RTL4: variants seen among roughly 807,000 people sequenced by gnomAD.
RTL4 encodes the protein retrotransposon Gag-like protein 4.
RTL4 carries 4 observed loss-of-function variants against 5.3 expected under a neutral mutation model. The ratio of observed to expected loss-of-function variants is 0.75; its 90% CI spans 0.37 to 1.72. The LOEUF is 1.72. Ranked by LOEUF, RTL4 falls within the 40% of genes most tolerant of loss-of-function variation. The probability of loss-of-function intolerance (pLI) is 0.04; values close to 1 mark genes in which losing one functional copy is unlikely to be tolerated. For synonymous variants in RTL4, 98 were observed against 87.3 expected (o/e 1.12, Z -0.68); for missense variants, 260 against 227.1 (o/e 1.14, Z -0.93).
the RTL4 span, among the ~76,000 whole-genome samples, chrX:112,222,791 C>T: frequency 2.7e-5 from 3 of 111,945 alleles, no homozygotes; most frequent in East Asian, 2.8e-4. Flanking sequence ...AAGGAAATGC[C>T]GAATGGGGCT....
At chrX:112,234,976 G>T in the RTL4 span, among the ~76,000 whole-genome samples, 314 of 111,361 alleles carry the variant, frequency 2.8e-3, no homozygotes, top group African/African-American at 9.4e-3. Flanking sequence ...AGATTTGGCT[G>T]CTTAGGTGTG....
At chrX:112,335,810 CTTTA>C in the RTL4 span, among the ~76,000 whole-genome samples, 901 of 108,981 alleles carry the variant, frequency 8.3e-3, 8 homozygotes, top group African/African-American at 0.028. Context: ...CCAGTAAAAT[CTTTA>C]TTTATTTATT....
chrX:112,366,345 A>G, the RTL4 span, among the ~76,000 whole-genome samples: 2 of 111,754 alleles, frequency 1.8e-5, no homozygotes, highest in Non-Finnish European at 1.9e-5. Context: ...CACCATCATC[A>G]TTATGTACAA....
At chrX:112,449,673 G>A (rs1309492599), upstream of RTL4, among the ~76,000 whole-genome samples, 1 of 111,640 alleles carries the variant, frequency 9.0e-6, no homozygotes, top group East Asian at 2.8e-4. Flanking sequence ...AGAAATGTTG[G>A]TGCTCTGAGT....
the RTL4 span, among the ~76,000 whole-genome samples, chrX:112,304,639 CTTTTTTTTTTT>C: frequency 2.1e-5 from 1 of 48,360 alleles, no homozygotes; most frequent in South Asian, 1.2e-3. Context: ...TTTCCCACAT[CTTTTTTTTTTT>C]TTTTTTTTTT....
chrX:112,358,991 A>G, the RTL4 span, among the ~76,000 whole-genome samples: 2 of 111,854 alleles, frequency 1.8e-5, no homozygotes, highest in Non-Finnish European at 3.8e-5. Flanking sequence ...TAATCAGTGC[A>G]TCGTGGCTGG....
At chrX:112,322,080 T>C in the RTL4 span, among the ~76,000 whole-genome samples, 1,058 of 111,863 alleles carry the variant, frequency 9.5e-3, 12 homozygotes, top group African/African-American at 0.032. Context: ...CATAATTGGG[T>C]TTCTGAAGGA....
the RTL4 span, among the ~76,000 whole-genome samples, chrX:112,325,133 C>T: frequency 3.6e-5 from 4 of 111,317 alleles, no homozygotes; most frequent in African/African-American, 1.3e-4. Context: ...CAAACCGCTG[C>T]TCGATGAAAT....
the RTL4 span, among the ~76,000 whole-genome samples, chrX:112,238,272 G>C: frequency 8.9e-6 from 1 of 111,819 alleles, no homozygotes; most frequent in Admixed American, 9.5e-5. Context: ...ATAAACAATT[G>C]ATATTGATTT....
At chrX:112,135,058 A>G in the RTL4 span, among the ~76,000 whole-genome samples, 1 of 112,317 alleles carries the variant, frequency 8.9e-6, no homozygotes, top group Non-Finnish European at 1.9e-5. Flanking sequence ...TCTCTTAGAT[A>G]AACATGTAGG....
chrX:112,126,151 A>C, the RTL4 span, among the ~76,000 whole-genome samples: 10 of 112,255 alleles, frequency 8.9e-5, no homozygotes, highest in African/African-American at 3.2e-4. Flanking sequence ...TATGGGGATA[A>C]GATGACTAGT....
chrX:112,435,412 C>T, the RTL4 span, among the ~76,000 whole-genome samples: 7 of 112,415 alleles, frequency 6.2e-5, no homozygotes, highest in Admixed American at 6.6e-4. Context: ...TATGGTACAA[C>T]CTTTTTTGCA....
chrX:112,186,303 C>T, the RTL4 span, among the ~76,000 whole-genome samples: 3 of 112,079 alleles, frequency 2.7e-5, no homozygotes, highest in African/African-American at 9.7e-5. Flanking sequence ...AGATTCTAAC[C>T]AGTTAGACAC....
At chrX:112,301,660 G>T in the RTL4 span, among the ~76,000 whole-genome samples, 4 of 110,180 alleles carry the variant, frequency 3.6e-5, no homozygotes, top group African/African-American at 1.3e-4. Flanking sequence ...ATAGAGGATG[G>T]TAGCTAAAAG....
chrX:112,423,358 AT>A, the RTL4 span, among the ~76,000 whole-genome samples: 3 of 110,745 alleles, frequency 2.7e-5, no homozygotes, highest in South Asian at 1.2e-3. Flanking sequence ...CATAGATTCT[AT>A]TGGTCAATAG....
At chrX:112,421,487 C>G in the RTL4 span, among the ~76,000 whole-genome samples, 5 of 111,973 alleles carry the variant, frequency 4.5e-5, no homozygotes, top group African/African-American at 1.6e-4. Context: ...GAAAACTGTT[C>G]TGGTTCTTTG....
At chrX:112,420,338 C>G in the RTL4 span, among the ~76,000 whole-genome samples, 2 of 111,458 alleles carry the variant, frequency 1.8e-5, no homozygotes, top group African/African-American at 6.5e-5. Context: ...AAGTAGTCAG[C>G]AGCCCCTCCT....
the RTL4 span, among the ~76,000 whole-genome samples, chrX:112,342,313 T>A: frequency 1.8e-5 from 2 of 111,727 alleles, no homozygotes; most frequent in African/African-American, 6.5e-5. Context: ...ATAAGATGCC[T>A]GGGACCCACC....
the RTL4 span, among the ~76,000 whole-genome samples, chrX:112,362,390 A>G: frequency 8.9e-6 from 1 of 111,922 alleles, no homozygotes; most frequent in Non-Finnish European, 1.9e-5. Context: ...AAAAGACGAT[A>G]ACATGTTAGA....
Sources: gnomAD v4.1 joint callset for allele counts (sites outside exome capture counted in the v4.1 genomes callset) on GRCh38, gnomAD v4.1.1 for gene constraint, MANE v1.5 for transcripts, NCBI Gene and HGNC (gene_info 2026-07-23, HGNC 2026-07-21) for gene names.